The following EYS variants were observed in gnomAD, a reference collection of about 807,000 sequenced individuals.
EYS encodes the protein EGF-like photoreceptor maintenance factor, also known as protein eyes shut homolog.
A neutral mutation model predicts 282.1 loss-of-function variants in EYS; 250 were observed. The ratio of observed to expected loss-of-function variants is 0.89; its 90% CI spans 0.80 to 0.98. EYS has a LOEUF of 0.98. EYS is among the 50% of genes least tolerant of loss of function. EYS has a pLI of 0.00. For synonymous variants in EYS, 1,355 were observed against 1,282.9 expected (o/e 1.06, Z -1.20); for missense variants, 4,016 against 3,709.0 (o/e 1.08, Z -2.15).
intron 16 of EYS, among the ~76,000 whole-genome samples, chr6:64,905,243 C>T (rs578122849): frequency 6.6e-6 from 1 of 152,296 alleles, no homozygotes; most frequent in South Asian, 2.1e-4. Context: ...TACTTAATCC[C>T]AAACTACATA....
rs543490762 is a variant in EYS at position 64,718,292 on chromosome 6, A to G, written c.3444-92047T>C. Among the ~76,000 whole-genome samples the G allele has an allele frequency of 2.0e-5, 3 of 152,216 alleles. No homozygotes were observed. In the East Asian group the frequency reaches 5.8e-4, roughly 30 times the overall value. On this transcript the variant is annotated intron_variant, in intron 22 of 42. Transcript: ENST00000503581. ...GCCGCCTTAGCTGATGACATGGGTT[A>G]TGAGCCACTCCCATCCACCCCTGTA...
intron 22 of EYS, among the ~76,000 whole-genome samples, chr6:64,796,355 C>T (rs1246528397): frequency 2.6e-5 from 4 of 152,028 alleles, no homozygotes; most frequent in African/African-American, 9.7e-5. Context: ...AACAGCTGAC[C>T]AGTTGCTTTT....
chr6:64,282,698 CATA>C (rs1374194648), intron 30 of EYS, among the ~76,000 whole-genome samples: 7 of 152,144 alleles, frequency 4.6e-5, no homozygotes, highest in Non-Finnish European at 7.4e-5. Flanking sequence ...TTTGGTAAAC[CATA>C]ATAACTGGAA....
At chr6:64,198,196 A>G (rs1426547063) in intron 31 of EYS, among the ~76,000 whole-genome samples, 5 of 147,580 alleles carry the variant, frequency 3.4e-5, no homozygotes, top group East Asian at 4.0e-4. Flanking sequence ...TTTAGTAGAG[A>G]CGGGGTTTCA....
chr6:64,348,016 G>A (rs1026038018), intron 29 of EYS, among the ~76,000 whole-genome samples: 1 of 151,198 alleles, frequency 6.6e-6, no homozygotes, highest in African/African-American at 2.4e-5. Context: ...TTTGTTAAAC[G>A]AGATCTTGTG....
chr6:65,529,986 A>G (rs772349875), intron 2 of EYS, among the ~76,000 whole-genome samples: 10 of 152,174 alleles, frequency 6.6e-5, no homozygotes, highest in Non-Finnish European at 1.3e-4. Flanking sequence ...TATCAGCTCA[A>G]AATGATGAAG....
At chr6:64,720,242 C>A (rs1164181708) in intron 22 of EYS, among the ~76,000 whole-genome samples, 1 of 152,154 alleles carries the variant, frequency 6.6e-6, no homozygotes. Flanking sequence ...TCTTCACATC[C>A]TTCTCTAACC....
At chr6:65,169,522 T>G (rs1324586518) in intron 12 of EYS, among the ~76,000 whole-genome samples, 1 of 151,480 alleles carries the variant, frequency 6.6e-6, no homozygotes, top group Non-Finnish European at 1.5e-5. Flanking sequence ...CCTTGGATAT[T>G]CCATTTTCCA....
In EYS at chr6:65,231,159, TTA is replaced by T. The variant is rs1181947421; in HGVS notation, c.2023+64702_2023+64703del. Among the ~76,000 whole-genome samples, 369 of 145,692 alleles carry T rather than the reference TTA, an allele frequency of 2.5e-3. 5 individuals are homozygous for T. The highest frequency in any genetic ancestry group is 8.4e-3 in the African/African-American group (338 of 40,322). On this transcript the variant is annotated intron_variant, in intron 12 of 42. Coordinates refer to ENST00000503581, the MANE Select transcript of EYS (RefSeq NM_001142800.2). ...TATATATACTTTTATATATATACTT[TTA>T]TATATATATTTTATATATATATAAA...
rs9453120 is a variant in EYS, at chr6:64,949,784, T to A, written c.2260-3870A>T. ...CTTTAATATCTACTAATCTACTTAATCTTTCCAAGTAACCTACTCAAGTTC... is the reference window on the plus strand; with the variant it reads ...CTTTAATATCTACTAATCTACTTAAACTTTCCAAGTAACCTACTCAAGTTC... On this transcript the variant is annotated intron_variant, in intron 14 of 42. Coordinates refer to ENST00000503581, the MANE Select transcript of EYS (RefSeq NM_001142800.2). Among the ~76,000 whole-genome samples, 1,297 of 152,042 alleles carry A rather than the reference T, an allele frequency of 8.5e-3. 15 individuals are homozygous for A. Among genetic ancestry groups the A allele is most frequent in the African/African-American group, 0.029 (1,201 of 41,534 alleles).
chr6:65,053,706 C>A (rs930111223), intron 13 of EYS, among the ~76,000 whole-genome samples: 1 of 151,820 alleles, frequency 6.6e-6, no homozygotes, highest in Non-Finnish European at 1.5e-5. Flanking sequence ...TCTGTACTTG[C>A]GTCTGAAGCA....
At chr6:64,705,769 T>C (rs1418182294) in intron 22 of EYS, among the ~76,000 whole-genome samples, 8 of 141,974 alleles carry the variant, frequency 5.6e-5, no homozygotes, top group African/African-American at 1.6e-4. Context: ...TAGGTGGGAA[T>C]TGAACAATGA....
At chr6:64,818,109 C>T (rs1016744175) in intron 21 of EYS, among the ~76,000 whole-genome samples, 5 of 152,104 alleles carry the variant, frequency 3.3e-5, no homozygotes, top group Non-Finnish European at 7.4e-5. Context: ...AATAATACTG[C>T]TTCCATGTAA....
At chr6:64,839,365 C>T (rs1765492301) in intron 19 of EYS, among the ~76,000 whole-genome samples, 1 of 151,956 alleles carries the variant, frequency 6.6e-6, no homozygotes, top group Non-Finnish European at 1.5e-5. Flanking sequence ...CCCAAAATTT[C>T]ATTACATGGT....
chr6:63,788,092 G>A lies in EYS; in HGVS notation c.7723+13C>T, dbSNP rs951932262. ...AATAAGTAGGTATAATATAAAAAAT[G>A]TCCATGCCTTACCTTGAAAACCATT... On this transcript the variant is annotated intron_variant, in intron 39 of 42. Transcript: ENST00000503581. The A allele has an allele frequency of 4.0e-6, 6 of 1,518,516 alleles. No individual in the cohort carries two copies. The African/African-American group carries it at 8.4e-5, about 21-fold the overall frequency. 94.1% of individuals were successfully genotyped at this position (1,518,516 alleles called of 1,614,324 possible).
chr6:64,036,778 T>C (rs781396751), intron 33 of EYS, among the ~76,000 whole-genome samples: 18 of 152,232 alleles, frequency 1.2e-4, no homozygotes, highest in Non-Finnish European at 2.6e-4. Context: ...GCCTATATCT[T>C]CTCTTTCAAT....
chr6:63,832,834 C>T (rs1409989583), intron 36 of EYS, among the ~76,000 whole-genome samples: 1 of 152,096 alleles, frequency 6.6e-6, no homozygotes, highest in East Asian at 1.9e-4. Context: ...ACTGGCAAAC[C>T]AAATCCAGCA....
chr6:64,482,388 C>T (rs1776460642), intron 26 of EYS, among the ~76,000 whole-genome samples: 1 of 151,678 alleles, frequency 6.6e-6, no homozygotes, highest in Admixed American at 6.6e-5. Flanking sequence ...TTTCAAAATA[C>T]TTTGCCTATA....
At chr6:65,006,464 G>C (rs990071564) in intron 13 of EYS, among the ~76,000 whole-genome samples, 1 of 121,126 alleles carries the variant, frequency 8.3e-6, no homozygotes, top group Non-Finnish European at 1.6e-5. Context: ...AGGAAACCTC[G>C]TTGTGAGCAC....
Sources: allele counts gnomAD v4.1 joint callset (sites outside exome capture counted in the v4.1 genomes callset), GRCh38; gene constraint gnomAD v4.1.1; transcripts MANE v1.5; gene names NCBI Gene and HGNC (gene_info 2026-07-23, HGNC 2026-07-21).